HMCN1: variants seen among roughly 807,000 people sequenced by gnomAD.
HMCN1 encodes the protein hemicentin 1.
Under a neutral mutation model 625.9 loss-of-function variants are expected in HMCN1, and 321 were observed. The ratio of observed to expected loss-of-function variants is 0.51; its 90% CI spans 0.47 to 0.56. HMCN1 has a LOEUF of 0.56. Ranked by LOEUF, HMCN1 falls within the 20% of genes least tolerant of loss-of-function variation. The probability of loss-of-function intolerance (pLI) is 0.00; values close to 1 mark genes in which losing one functional copy is unlikely to be tolerated. For missense variants in HMCN1, 6,588 were observed against 6,887.3 expected (o/e 0.96, Z 1.54); for synonymous variants, 2,425 against 2,417.6 (o/e 1.00, Z -0.09).
At chr1:185,900,842 C>T (rs182417294) in intron 4 of HMCN1, among the ~76,000 whole-genome samples, 10 of 151,798 alleles carry the variant, frequency 6.6e-5, no homozygotes, top group African/African-American at 1.7e-4. Context: ...TTTTATTGTC[C>T]GAAGGGCCCA....
Position 186,045,830 on chromosome 1 carries a change from C to T in HMCN1, c.6447C>T (p.Gly2149=), listed in dbSNP as rs759680774. 1.2e-6 allele frequency: 2 copies of T among 1,612,226 alleles called. No homozygotes were observed. Among genetic ancestry groups the T allele is most frequent in the Non-Finnish European group, 1.7e-6 (2 of 1,178,672 alleles). The change falls in exon 41 of 107, where the codon GGC becomes GGT. Residue 2149 remains glycine, a synonymous_variant. Coordinates refer to ENST00000271588, the MANE Select transcript of HMCN1 (RefSeq NM_031935.3). Reference sequence around the variant, plus strand: ...GCCACCCCTTGCTGAAGAAACCAGGCCTCAGTATATCTGAAAATAGAAGTG... The same window carrying T: ...GCCACCCCTTGCTGAAGAAACCAGGTCTCAGTATATCTGAAAATAGAAGTG... ...KDGHPLLKKP[G]LSISENRSVL... is the part of the protein sequence containing the mutation.
intron 11 of HMCN1, among the ~76,000 whole-genome samples, chr1:185,934,732 T>G (rs906366225): frequency 2.0e-5 from 3 of 152,188 alleles, no homozygotes; most frequent in African/African-American, 7.2e-5. Context: ...AGCTATTTGA[T>G]TGTGGTATTA....
At chr1:185,880,993 A>G (rs965837906) in intron 4 of HMCN1, among the ~76,000 whole-genome samples, 8 of 152,336 alleles carry the variant, frequency 5.3e-5, no homozygotes, top group African/African-American at 1.9e-4. Flanking sequence ...CAGGAGCAAA[A>G]TCTTTGCGGC....
intron 30 of HMCN1, among the ~76,000 whole-genome samples, chr1:186,012,421 T>C (rs74134283): frequency 0.022 from 3,366 of 151,968 alleles, 118 homozygotes; most frequent in African/African-American, 0.077. Flanking sequence ...TGTACTTTCA[T>C]TGGTTCCTCA....
chr1:185,982,204 C>T, intron 17 of HMCN1, 58 bp from the exon 18 acceptor site: 1 of 1,583,816 alleles, frequency 6.3e-7, no homozygotes, highest in Non-Finnish European at 8.7e-7. Flanking sequence ...TGTGAAGTGG[C>T]TTACCTTTCT....
intron 36 of HMCN1, among the ~76,000 whole-genome samples, chr1:186,027,231 A>G (rs1013344655): frequency 2.0e-5 from 3 of 152,196 alleles, no homozygotes; most frequent in African/African-American, 4.8e-5. Flanking sequence ...TCTGTCATTT[A>G]TAAAGGGCAG....
At chr1:186,139,235 A>T (rs1295903739) in intron 89 of HMCN1, among the ~76,000 whole-genome samples, 1 of 152,242 alleles carries the variant, frequency 6.6e-6, no homozygotes, top group East Asian at 1.9e-4. Flanking sequence ...ACTCAGGTTG[A>T]TCTAATTATG....
At chr1:185,990,130 A>G (rs575067318) in intron 21 of HMCN1, 145 bp from the exon 22 acceptor site, 1 of 797,216 alleles carries the variant, frequency 1.3e-6, no homozygotes, top group Middle Eastern at 3.7e-4. Context: ...CAATAAATGT[A>G]TTAATGGAAA....
intron 1 of HMCN1, among the ~76,000 whole-genome samples, chr1:185,777,847 T>G (rs781149781): frequency 2.0e-5 from 3 of 152,230 alleles, no homozygotes; most frequent in Non-Finnish European, 4.4e-5. Flanking sequence ...TCCATCCTTT[T>G]TGAGGCCTAT....
chr1:186,120,707 A>G (rs1020850539), intron 80 of HMCN1, among the ~76,000 whole-genome samples: 3 of 152,164 alleles, frequency 2.0e-5, no homozygotes, highest in African/African-American at 7.2e-5. Flanking sequence ...TTATACTGTA[A>G]TTTTCCTATG....
chr1:186,016,369 T>C lies in HMCN1; in HGVS notation c.5191+130T>C, dbSNP rs1654369077. The C allele has an allele frequency of 3.0e-5, 24 of 813,022 alleles. No homozygotes were observed. In the South Asian group the frequency reaches 4.0e-4, roughly 14 times the overall value. 50.4% of individuals were successfully genotyped at this position (813,022 alleles called of 1,614,324 possible). A position where few individuals can be genotyped will look rare whatever the true frequency, so the allele number is the denominator to read the frequency against. ...GTATAGTCCTCTGTGCAACTGTGGATTGCACATTACCAAGGGGTGGATTTG... is the reference window on the plus strand; with the variant it reads ...GTATAGTCCTCTGTGCAACTGTGGACTGCACATTACCAAGGGGTGGATTTG... On this transcript the variant is annotated intron_variant, in intron 32 of 106. Coordinates refer to ENST00000271588, the MANE Select transcript of HMCN1 (RefSeq NM_031935.3).
intron 83 of HMCN1, among the ~76,000 whole-genome samples, chr1:186,128,582 G>A (rs1022083004): frequency 5.9e-5 from 9 of 151,942 alleles, no homozygotes; most frequent in Non-Finnish European, 8.8e-5. Flanking sequence ...TTATATAGGC[G>A]CCTAAACTTA....
chr1:186,173,639 T>TTAAAA (rs1652369387), intron 102 of HMCN1, among the ~76,000 whole-genome samples: 1 of 43,874 alleles, frequency 2.3e-5, no homozygotes, highest in African/African-American at 1.2e-4. Flanking sequence ...AGACTCCATC[T>TTAAAA]CAAAAAAAAA....
chr1:185,978,249 A>G, intron 16 of HMCN1: 1 of 366,382 alleles, frequency 2.7e-6, no homozygotes, highest in Non-Finnish European at 5.0e-6. Flanking sequence ...TCTTATTGCA[A>G]ATAGAGTCAT....
intron 1 of HMCN1, 137 bp from the exon 2 acceptor site, chr1:185,845,885 GAGAA>G (rs1475373342): frequency 1.5e-6 from 1 of 657,828 alleles, no homozygotes; most frequent in African/African-American, 1.8e-5. Context: ...GCTACAAATT[GAGAA>G]AGAGTGTTTG....
chr1:186,053,117 A>G (rs778808443), intron 43 of HMCN1, 43 bp downstream of exon 43: 1 of 1,524,202 alleles, frequency 6.6e-7, no homozygotes, highest in East Asian at 2.3e-5. Context: ...AAGAAAATAT[A>G]AGATGGATAT....
intron 56 of HMCN1, 91 bp downstream of exon 56, chr1:186,081,485 A>T (rs1309371720): frequency 5.7e-6 from 5 of 876,700 alleles, no homozygotes; most frequent in African/African-American, 1.7e-5. Flanking sequence ...AATTTTTATT[A>T]GCTTGTAAAT....
intron 51 of HMCN1, 74 bp from the exon 52 acceptor site, chr1:186,070,538 T>G (rs1658412981): frequency 1.6e-6 from 2 of 1,282,290 alleles, no homozygotes; most frequent in Admixed American, 3.4e-5. Context: ...TAAGTAATCC[T>G]CAGTGTGATT....
In HMCN1 at chr1:186,105,291, A is replaced by T. The variant is rs538974582; in HGVS notation, c.10771-1593A>T. Among the ~76,000 whole-genome samples the T allele has an allele frequency of 1.8e-4, 27 of 152,186 alleles. 2 individuals are homozygous for T. The highest frequency in any genetic ancestry group is 6.8e-3 in the Middle Eastern group (2 of 292). Reference sequence around the variant, plus strand: ...AAATTAAATATCATTAAGCCCCCAGACTGATTTTGGTTACTCTGCTCCTTT... The same window carrying T: ...AAATTAAATATCATTAAGCCCCCAGTCTGATTTTGGTTACTCTGCTCCTTT... On this transcript the variant is annotated intron_variant, in intron 69 of 106. Coordinates refer to ENST00000271588, the MANE Select transcript of HMCN1 (RefSeq NM_031935.3).
Sources: allele counts gnomAD v4.1 joint callset (sites outside exome capture counted in the v4.1 genomes callset), GRCh38; gene constraint gnomAD v4.1.1; transcripts MANE v1.5; gene names NCBI Gene and HGNC (gene_info 2026-07-23, HGNC 2026-07-21).